Variants in MAP3K5 observed in about 807,000 individuals in gnomAD.
MAP3K5 encodes the protein mitogen-activated protein kinase kinase kinase 5.
MAP3K5 carries 56 observed loss-of-function variants against 158.7 expected under a neutral mutation model. That is an observed-to-expected ratio of 0.35 (90% CI 0.28 to 0.44). MAP3K5 has a LOEUF of 0.44. MAP3K5 is among the 20% of genes least tolerant of loss of function. MAP3K5 has a pLI of 1.00. For synonymous variants in MAP3K5, 579 were observed against 601.7 expected, an observed-to-expected ratio of 0.96 and a Z score of 0.55; for missense variants, 1,294 against 1,674.8, an observed-to-expected ratio of 0.77 and a Z score of 3.97.
At chr6:136,641,075 A>G (rs1455566998) in intron 12 of MAP3K5, among the ~76,000 whole-genome samples, 1 of 152,192 alleles carries the variant, frequency 6.6e-6, no homozygotes, top group Non-Finnish European at 1.5e-5. Context: ...TCTTAAGTGG[A>G]TTGCTTAAAA....
chr6:136,663,158 A>G (rs963231580), intron 8 of MAP3K5, among the ~76,000 whole-genome samples: 1 of 40,396 alleles, frequency 2.5e-5, no homozygotes, highest in Non-Finnish European at 4.5e-5. Context: ...TGTAGTAAGG[A>G]AAAATAAAGC....
intron 15 of MAP3K5, among the ~76,000 whole-genome samples, chr6:136,618,569 G>A (rs1197455994): frequency 6.6e-6 from 1 of 152,242 alleles, no homozygotes; most frequent in East Asian, 1.9e-4. Flanking sequence ...GAAGAGAGGA[G>A]CTGTGGCTAA....
At chr6:136,779,731 G>A (rs578173513) in intron 1 of MAP3K5, among the ~76,000 whole-genome samples, 7 of 152,286 alleles carry the variant, frequency 4.6e-5, no homozygotes, top group African/African-American at 1.7e-4. Context: ...TAAGAATGAA[G>A]TTGGGTTTCC....
chr6:136,599,168 A>AG (rs60470020), intron 21 of MAP3K5, among the ~76,000 whole-genome samples: 13,116 of 121,290 alleles, frequency 0.11, 1,090 homozygotes, highest in East Asian at 0.29. Flanking sequence ...CAAAAAAAAA[A>AG]GGGGGGGGGG....
At chr6:136,746,640 T>C (rs1454973502) in intron 1 of MAP3K5, among the ~76,000 whole-genome samples, 1 of 152,198 alleles carries the variant, frequency 6.6e-6, no homozygotes. Flanking sequence ...TGTATAATCA[T>C]GGTTTAACAG....
At chr6:136,753,116 C>T (rs1047446956) in intron 1 of MAP3K5, among the ~76,000 whole-genome samples, 1 of 152,204 alleles carries the variant, frequency 6.6e-6, no homozygotes, top group Non-Finnish European at 1.5e-5. Flanking sequence ...ATTTATTTAT[C>T]TGCCTGTTTA....
At chr6:136,731,870 A>C (rs1377392772) in intron 1 of MAP3K5, among the ~76,000 whole-genome samples, 4 of 152,256 alleles carry the variant, frequency 2.6e-5, no homozygotes, top group Non-Finnish European at 5.9e-5. Flanking sequence ...TAAGGAAAGC[A>C]AGAGATCAGA....
intron 26 of MAP3K5, among the ~76,000 whole-genome samples, chr6:136,563,623 A>G (rs1370019468): frequency 6.6e-6 from 1 of 152,174 alleles, no homozygotes; most frequent in Non-Finnish European, 1.5e-5. Context: ...AGAAACTGTG[A>G]TATTCATACC....
intron 24 of MAP3K5, 125 bp downstream of exon 24, chr6:136,583,429 AT>A: frequency 1.1e-6 from 1 of 891,008 alleles, no homozygotes; most frequent in Non-Finnish European, 1.6e-6. Context: ...AATATCTCAC[AT>A]TTTTCATCCA....
chr6:136,732,069 G>T (rs908513035), intron 1 of MAP3K5, among the ~76,000 whole-genome samples: 1 of 152,200 alleles, frequency 6.6e-6, no homozygotes, highest in Non-Finnish European at 1.5e-5. Flanking sequence ...AGACAGATGG[G>T]TTGGGTTCTA....
rs1463659818 is a variant in MAP3K5, at chr6:136,792,054, G to A, written c.104C>T (p.Ala35Val). Residue 35 changes from alanine to valine, a missense_variant, in exon 1 of 30, where the codon GCG (alanine) becomes GTG (valine). By Grantham distance (64) the Ala-to-Val change is moderately conservative (BLOSUM62 0). Coordinates refer to ENST00000359015, the MANE Select transcript of MAP3K5 (RefSeq NM_005923.4). The surrounding 1 kb of genome is among the most constrained non-coding windows in gnomAD (Gnocchi z 5.7). ...PEGGICRRGG[A>V]AAVGEGEEHQ... The stretch of plus-strand genomic sequence containing the variant: ...CTCCTCGCCCTCGCCCACCGCCGCC[G>A]CTCCTCCCCTCCTGCAGATGCCGCC... 1 of 1,548,164 alleles carries A rather than the reference G, an allele frequency of 6.5e-7. No individual in the cohort carries two copies. Among genetic ancestry groups the A allele is most frequent in the South Asian group, 1.2e-5 (1 of 84,892 alleles).
intron 1 of MAP3K5, among the ~76,000 whole-genome samples, chr6:136,724,577 A>C (rs1781885557): frequency 1.3e-5 from 2 of 152,096 alleles, no homozygotes; most frequent in African/African-American, 4.8e-5. Context: ...GTGCAAGCAA[A>C]GTAAGGTATA....
rs1781706820 is a variant in MAP3K5 at position 136,720,557 on chromosome 6, G to A, written c.481C>T (p.Arg161Trp). 1.9e-6 allele frequency: 3 copies of A among 1,612,420 alleles called. No homozygotes were observed. The highest frequency in any genetic ancestry group is 2.5e-6 in the Non-Finnish European group (3 of 1,179,236). Residue 161 changes from arginine to tryptophan, a missense_variant, in exon 2 of 30, where the codon CGG becomes TGG. Transcript: ENST00000359015. ...IAVVEMSDAF[R>W]QPSLFYHLGV... ...AGGTGGTAAAACAAGGACGGCTGCC[G>A]GAAGGCATCGCTCATCTCCACCACC...
chr6:136,660,640 T>A (rs1348975361), intron 8 of MAP3K5, among the ~76,000 whole-genome samples: 1 of 152,232 alleles, frequency 6.6e-6, no homozygotes, highest in Non-Finnish European at 1.5e-5. Flanking sequence ...AAAAAATATA[T>A]CCTTGTAGCA....
In MAP3K5 at chr6:136,583,640, G is replaced by C; in HGVS notation, c.3326C>G (p.Thr1109Arg). Residue 1109 changes from threonine to arginine, a missense_variant, in exon 24 of 30, where the codon ACA becomes AGA. Coordinates refer to ENST00000359015, the MANE Select transcript of MAP3K5 (RefSeq NM_005923.4). ...CAGCTCCAGTTTCAGCTTTGACAGTGTGGTGGCTATGATTTTTCGGTCAGT... is the reference window on the plus strand; with the variant it reads ...CAGCTCCAGTTTCAGCTTTGACAGTCTGGTGGCTATGATTTTTCGGTCAGT... Reference protein sequence around the residue: ...RSTDRKIIATTLSKLKLELDF... With the variant: ...RSTDRKIIATRLSKLKLELDF... 6.2e-7 allele frequency: 1 copy of C among 1,614,218 alleles called. No individual in the cohort carries two copies. The highest frequency in any genetic ancestry group is 1.3e-5 in the African/African-American group (1 of 75,062).
chr6:136,557,861 T>C, intron 29 of MAP3K5, 43 bp from the exon 30 acceptor site: 1 of 1,284,924 alleles, frequency 7.8e-7, no homozygotes, highest in Non-Finnish European at 1.1e-6. Flanking sequence ...ACATTTCATT[T>C]GAAACATTGC....
chr6:136,655,240 C>A (rs1445782803), intron 10 of MAP3K5, among the ~76,000 whole-genome samples: 1 of 152,216 alleles, frequency 6.6e-6, no homozygotes, highest in African/African-American at 2.4e-5. Flanking sequence ...ATGTTCTCTT[C>A]TTTCACTACA....
chr6:136,574,414 G>A (rs1271230582), intron 25 of MAP3K5, among the ~76,000 whole-genome samples: 3 of 152,198 alleles, frequency 2.0e-5, no homozygotes, highest in African/African-American at 4.8e-5. Flanking sequence ...TCAAGTGCTT[G>A]AAGCAGCTGT....
intron 15 of MAP3K5, among the ~76,000 whole-genome samples, chr6:136,622,511 A>G (rs1776851313): frequency 1.3e-5 from 2 of 152,170 alleles, no homozygotes; most frequent in Non-Finnish European, 2.9e-5. Flanking sequence ...AGCTCCTCAC[A>G]TGCCCGACTG....
Sources: allele counts gnomAD v4.1 joint callset (sites outside exome capture counted in the v4.1 genomes callset), GRCh38; gene constraint gnomAD v4.1.1; non-coding constraint Gnocchi (gnomAD v3.1); transcripts MANE v1.5; gene names NCBI Gene and HGNC (gene_info 2026-07-23, HGNC 2026-07-21).